The following CPNE4 variants were observed in gnomAD, a reference collection of about 807,000 sequenced individuals.
The protein encoded by CPNE4 is copine 4.
CPNE4 carries 25 observed loss-of-function variants against 67.9 expected under a neutral mutation model. That is an observed-to-expected ratio of 0.37 (90% CI 0.27 to 0.51). The LOEUF (loss-of-function observed/expected upper bound fraction) is 0.51, where lower values mean the gene tolerates loss of function less well. CPNE4 is among the 20% of genes least tolerant of loss of function. The pLI is 0.93. For missense variants in CPNE4, 464 were observed against 690.8 expected (o/e 0.67, Z 3.68); for synonymous variants, 242 against 244.9 (o/e 0.99, Z 0.11).
upstream of CPNE4, chr3:132,039,572 T>G (rs1334194842): frequency 6.6e-6 from 1 of 152,228 alleles, no homozygotes; most frequent in Non-Finnish European, 1.5e-5. Flanking sequence ...TCTTTCCAGT[T>G]TCCTTTACTT....
At chr3:131,677,801 T>A (rs1396980024) in intron 6 of CPNE4, among the ~76,000 whole-genome samples, 2 of 152,208 alleles carry the variant, frequency 1.3e-5, no homozygotes, top group Non-Finnish European at 2.9e-5. Context: ...GTGTCTGTTC[T>A]TATACCAGTA....
chr3:132,034,955 G>A lies in CPNE4; in HGVS notation c.-390C>T, dbSNP rs2074314881. ...GGAAAGGAGGGTGGCAGAAAGAGAA[G>A]GGGACGAGCGGGTGGCGGGGAGATG... On this transcript the variant is annotated 5_prime_UTR_variant, in exon 1 of 16. Transcript: ENST00000429747. 1.0e-6 allele frequency: 1 copy of A among 985,614 alleles called. No individual in the cohort carries two copies. Among genetic ancestry groups the A allele is most frequent in the African/African-American group, 1.7e-5 (1 of 57,226 alleles). 61.1% of individuals were successfully genotyped at this position (985,614 alleles called of 1,614,324 possible).
intron 2 of CPNE4, among the ~76,000 whole-genome samples, chr3:131,769,128 G>A (rs972805982): frequency 6.6e-6 from 1 of 152,146 alleles, no homozygotes; most frequent in Non-Finnish European, 1.5e-5. Context: ...GGATTCCCTA[G>A]TGTTAGGTGA....
At chr3:131,658,345 C>A (rs1293511752) in intron 7 of CPNE4, among the ~76,000 whole-genome samples, 2 of 152,142 alleles carry the variant, frequency 1.3e-5, no homozygotes, top group Non-Finnish European at 2.9e-5. Flanking sequence ...GAGGAGGCAT[C>A]TCTCCATCTC....
At chr3:131,918,226 G>A (rs1296910728) in intron 1 of CPNE4, among the ~76,000 whole-genome samples, 1 of 152,146 alleles carries the variant, frequency 6.6e-6, no homozygotes, top group Non-Finnish European at 1.5e-5. Flanking sequence ...AGGATTTTGT[G>A]TATAATGTTA....
At chr3:131,656,585 T>C (rs1363080703) in intron 7 of CPNE4, among the ~76,000 whole-genome samples, 3 of 152,226 alleles carry the variant, frequency 2.0e-5, no homozygotes. Flanking sequence ...TCTTTAAGCA[T>C]ACATTTATTA....
upstream of CPNE4, chr3:132,037,561 T>C: frequency 6.5e-7 from 1 of 1,535,588 alleles, no homozygotes; most frequent in Non-Finnish European, 8.7e-7. Flanking sequence ...ACTCACCTCC[T>C]CCCAGCTCTC....
chr3:131,772,740 T>C (rs1052320149), intron 2 of CPNE4, among the ~76,000 whole-genome samples: 2 of 152,110 alleles, frequency 1.3e-5, no homozygotes, highest in African/African-American at 4.8e-5. Context: ...ATTTCTTCCA[T>C]TTGTGTTTCT....
At chr3:131,805,412 G>A (rs1187209323) in intron 2 of CPNE4, among the ~76,000 whole-genome samples, 1 of 152,092 alleles carries the variant, frequency 6.6e-6, no homozygotes, top group Non-Finnish European at 1.5e-5. Flanking sequence ...GGTTGTTTTT[G>A]GTCCAATGTG....
At chr3:131,909,704 T>C (rs1232158003) in intron 1 of CPNE4, among the ~76,000 whole-genome samples, 1 of 152,196 alleles carries the variant, frequency 6.6e-6, no homozygotes, top group East Asian at 1.9e-4. Context: ...AGTGGCAATC[T>C]TATACATGTG....
chr3:131,552,088 G>T (rs1435769210), intron 13 of CPNE4, among the ~76,000 whole-genome samples: 1 of 147,086 alleles, frequency 6.8e-6, no homozygotes, highest in African/African-American at 2.5e-5. Flanking sequence ...AAAAACACTT[G>T]ATGAAAATTT....
At chr3:131,881,380 C>T (rs1423456680) in intron 2 of CPNE4, among the ~76,000 whole-genome samples, 1 of 152,116 alleles carries the variant, frequency 6.6e-6, no homozygotes, top group Non-Finnish European at 1.5e-5. Context: ...TTTGTTAAAC[C>T]TTCCCTAAAC....
intron 2 of CPNE4, among the ~76,000 whole-genome samples, chr3:131,738,941 T>C (rs567379683): frequency 6.6e-6 from 1 of 151,072 alleles, no homozygotes; most frequent in South Asian, 2.1e-4. Context: ...TTCAAACTCC[T>C]TCCTGCAGGG....
intron 2 of CPNE4, among the ~76,000 whole-genome samples, chr3:131,762,912 GAA>G (rs5852642): frequency 1.4e-5 from 2 of 146,862 alleles, no homozygotes; most frequent in Non-Finnish European, 3.0e-5. Flanking sequence ...TGCTACGACA[GAA>G]AAAAAAAAGC....
At chr3:131,791,832 C>G (rs924089714) in intron 2 of CPNE4, among the ~76,000 whole-genome samples, 1 of 152,110 alleles carries the variant, frequency 6.6e-6, no homozygotes, top group Non-Finnish European at 1.5e-5. Context: ...AGAAATTTCT[C>G]ATGATTCTCT....
intron 9 of CPNE4, among the ~76,000 whole-genome samples, 170 bp from the exon 10 acceptor site, chr3:131,575,300 G>A (rs1322709748): frequency 6.6e-6 from 1 of 152,094 alleles, no homozygotes; most frequent in African/African-American, 2.4e-5. Context: ...AGGAGAGAAG[G>A]AAAGCAATAT....
At chr3:131,925,036 T>G (rs538559233) in intron 1 of CPNE4, among the ~76,000 whole-genome samples, 78 of 152,324 alleles carry the variant, frequency 5.1e-4, no homozygotes, top group Non-Finnish European at 9.7e-4. Flanking sequence ...ATTGAATTTT[T>G]CTGTGAATTC....
intron 10 of CPNE4, among the ~76,000 whole-genome samples, chr3:131,568,450 T>C (rs1937170008): frequency 6.6e-6 from 1 of 152,020 alleles, no homozygotes. Context: ...AGGTGGCTAC[T>C]GATGCCTGGT....
At chr3:131,967,399 AG>A (rs2072381301) in intron 1 of CPNE4, among the ~76,000 whole-genome samples, 1 of 152,176 alleles carries the variant, frequency 6.6e-6, no homozygotes, top group South Asian at 2.1e-4. Context: ...AAAGAAATAA[AG>A]GGTATTTAAA....
Sources: allele counts gnomAD v4.1 joint callset (sites outside exome capture counted in the v4.1 genomes callset), GRCh38; gene constraint gnomAD v4.1.1; transcripts MANE v1.5; gene names NCBI Gene and HGNC (gene_info 2026-07-23, HGNC 2026-07-21).